DNAJC1: variants seen among roughly 807,000 people sequenced by gnomAD.
DNAJC1 encodes dnaJ homolog subfamily C member 1.
DNAJC1 carries 58 observed loss-of-function variants against 76.6 expected under a neutral mutation model. The ratio of observed to expected loss-of-function variants is 0.76; its 90% confidence interval spans 0.61 to 0.94. The LOEUF (loss-of-function observed/expected upper bound fraction) is 0.94, where lower values mean the gene tolerates loss of function less well. Ranked by LOEUF, DNAJC1 falls within the 40% of genes least tolerant of loss-of-function variation. The probability of loss-of-function intolerance (pLI) is 0.00; values close to 1 mark genes in which losing one functional copy is unlikely to be tolerated. For synonymous variants in DNAJC1, 258 were observed against 267.9 expected (o/e 0.96, Z 0.36); for missense variants, 689 against 677.3 (o/e 1.02, Z -0.19).
At chr10:21,761,095 G>A (rs75507651) in intron 10 of DNAJC1, among the ~76,000 whole-genome samples, 7 of 152,168 alleles carry the variant, frequency 4.6e-5, no homozygotes, top group Non-Finnish European at 7.3e-5. Flanking sequence ...CATGAAAATC[G>A]CTTGAACCCA....
chr10:21,818,329 G>C (rs1835106391), intron 8 of DNAJC1, among the ~76,000 whole-genome samples: 1 of 152,076 alleles, frequency 6.6e-6, no homozygotes, highest in Non-Finnish European at 1.5e-5. Context: ...TAAATTTTTG[G>C]TCAGACCAGT....
At chr10:21,832,578 C>T (rs1031668875) in intron 8 of DNAJC1, among the ~76,000 whole-genome samples, 1 of 152,144 alleles carries the variant, frequency 6.6e-6, no homozygotes, top group Admixed American at 6.5e-5. Flanking sequence ...CTTCTTCCTC[C>T]TCCTTATTGC....
chr10:21,959,291 A>AT (rs1000069612), intron 1 of DNAJC1, among the ~76,000 whole-genome samples: 4 of 151,022 alleles, frequency 2.6e-5, no homozygotes, highest in Admixed American at 6.6e-5. Flanking sequence ...GGCCCGGCTA[A>AT]TTTTTTTTGT....
chr10:21,763,358 G>T (rs932805247), intron 10 of DNAJC1, among the ~76,000 whole-genome samples: 3 of 152,142 alleles, frequency 2.0e-5, no homozygotes, highest in Non-Finnish European at 2.9e-5. Context: ...AAAGATATTA[G>T]TCTTCAGCGA....
chr10:21,920,845 C>G lies in DNAJC1; in HGVS notation c.490G>C (p.Val164Leu). Residue 164 changes from valine to leucine, a missense_variant, in exon 4 of 12, where the codon GTG becomes CTG. Transcript: ENST00000376980. ...LALLLFIILTVGHYAVVWSIY... is the reference protein window; with the variant it reads ...LALLLFIILTLGHYAVVWSIY... ...GACCAAACCACAGCATAATGACCCA[C>G]TGTGAGAATAATGAACAAGAGTAAT... The G allele has an allele frequency of 6.2e-7, 1 of 1,613,102 alleles. No homozygotes were observed. The highest frequency in any genetic ancestry group is 8.5e-7 in the Non-Finnish European group (1 of 1,179,300).
At chr10:22,001,793 T>C (rs1838522761) in intron 1 of DNAJC1, among the ~76,000 whole-genome samples, 1 of 152,226 alleles carries the variant, frequency 6.6e-6, no homozygotes, top group South Asian at 2.1e-4. Context: ...ATGTAATCAA[T>C]GATAAATTCT....
At chr10:21,931,357 T>C (rs1183183200) in intron 1 of DNAJC1, among the ~76,000 whole-genome samples, 1 of 152,232 alleles carries the variant, frequency 6.6e-6, no homozygotes, top group Admixed American at 6.5e-5. Flanking sequence ...CTTGAGAATC[T>C]ATCCAGTTGA....
chr10:21,777,165 A>G (rs1273088061), intron 9 of DNAJC1, among the ~76,000 whole-genome samples: 1 of 152,200 alleles, frequency 6.6e-6, no homozygotes, highest in East Asian at 1.9e-4. Context: ...TTCAAAGTGT[A>G]TGTGATTATA....
chr10:21,996,090 T>TTA (rs1429099206), intron 1 of DNAJC1, among the ~76,000 whole-genome samples: 1 of 152,210 alleles, frequency 6.6e-6, no homozygotes, highest in Non-Finnish European at 1.5e-5. Flanking sequence ...TGTGACTTCA[T>TTA]TATAAAATGA....
At chr10:21,994,969 C>T (rs1344791933) in intron 1 of DNAJC1, among the ~76,000 whole-genome samples, 2 of 148,678 alleles carry the variant, frequency 1.3e-5, no homozygotes, top group South Asian at 2.1e-4. Context: ...TGTTAACTTC[C>T]GCAAATCAAA....
chr10:21,881,894 C>T (rs1035666169), intron 8 of DNAJC1, among the ~76,000 whole-genome samples: 1 of 148,818 alleles, frequency 6.7e-6, no homozygotes, highest in Non-Finnish European at 1.5e-5. Flanking sequence ...GTGGCTCACA[C>T]CTGTAATCCC....
rs1269627713 is a variant in DNAJC1, at chr10:21,949,706, C to T, written c.223-20565G>A. On this transcript the variant is annotated intron_variant, in intron 1 of 11. Coordinates refer to ENST00000376980, the MANE Select transcript of DNAJC1 (RefSeq NM_022365.4). ...TGTTGGGATTACAGGTGTGAGCCAC[C>T]GCACCCGGCCAATAAGCGATTGCCC... Among the ~76,000 whole-genome samples, 6 of 151,938 alleles carry T rather than the reference C, an allele frequency of 3.9e-5. No individual in the cohort carries two copies. In the East Asian group the frequency reaches 7.8e-4, roughly 20 times the overall value.
At chr10:21,941,044 G>A (rs1468749328) in intron 1 of DNAJC1, among the ~76,000 whole-genome samples, 2 of 141,314 alleles carry the variant, frequency 1.4e-5, no homozygotes, top group South Asian at 2.2e-4. Context: ...AAGGTCAGGA[G>A]ATCGAGACCA....
chr10:21,968,540 C>T (rs978292630), intron 1 of DNAJC1, among the ~76,000 whole-genome samples: 3 of 150,934 alleles, frequency 2.0e-5, no homozygotes, highest in Admixed American at 6.6e-5. Flanking sequence ...CGGAGTCTCA[C>T]TCTGTCACCC....
chr10:21,819,396 C>T (rs1030176991), intron 8 of DNAJC1, among the ~76,000 whole-genome samples: 6 of 150,614 alleles, frequency 4.0e-5, no homozygotes, highest in African/African-American at 1.2e-4. Context: ...AGGGAAACTC[C>T]GTCTCAAAAA....
At chr10:21,949,050 A>C (rs1263881692) in intron 1 of DNAJC1, among the ~76,000 whole-genome samples, 1 of 152,216 alleles carries the variant, frequency 6.6e-6, no homozygotes, top group Non-Finnish European at 1.5e-5. Flanking sequence ...TCAGTAGTTA[A>C]AGTTTAAAAA....
At chr10:21,944,075 A>G (rs1038314484) in intron 1 of DNAJC1, among the ~76,000 whole-genome samples, 2 of 152,168 alleles carry the variant, frequency 1.3e-5, no homozygotes, top group African/African-American at 4.8e-5. Flanking sequence ...TCTGGGAAAC[A>G]TAGTTATTAG....
chr10:21,764,371 T>C (rs1834272488), intron 10 of DNAJC1, among the ~76,000 whole-genome samples: 1 of 152,242 alleles, frequency 6.6e-6, no homozygotes, highest in Non-Finnish European at 1.5e-5. Context: ...ATGTGATTGT[T>C]ATTTTCTTCC....
At position 21,813,151 on chromosome 10, in the gene DNAJC1, TCTCTCTCTCTCTCTCTCTCTCTCC is replaced by T. The variant is rs1365639480; in HGVS notation, c.979-7076_979-7053del. On this transcript the variant is annotated intron_variant, in intron 8 of 11. Transcript: ENST00000376980. ...GCCTTGCTCTTTCTTGGGTTACTTGTCTCTCTCTCTCTCTCTCTCTCTCCCTCTCTCTCTCTCTCTCTCTCTCTC... is the reference window on the plus strand; with the variant it reads ...GCCTTGCTCTTTCTTGGGTTACTTGTCTCTCTCTCTCTCTCTCTCTCTCTC... Among the ~76,000 whole-genome samples, 49 of 74,262 alleles carry T rather than the reference TCTCTCTCTCTCTCTCTCTCTCTCC, an allele frequency of 6.6e-4. 2 individuals carry two copies. The highest frequency in any genetic ancestry group is 3.1e-3 in the Admixed American group (19 of 6,156). 48.7% of individuals were successfully genotyped at this position (74,262 alleles called of 152,430 possible). A position where few individuals can be genotyped will look rare whatever the true frequency, so the allele number is the denominator to read the frequency against.
Sources: allele counts gnomAD v4.1 joint callset (sites outside exome capture counted in the v4.1 genomes callset), GRCh38; gene constraint gnomAD v4.1.1; transcripts MANE v1.5; gene names NCBI Gene and HGNC (gene_info 2026-07-23, HGNC 2026-07-21).